The following ZNF202 variants were observed in gnomAD, a reference collection of about 807,000 sequenced individuals.
ZNF202 encodes the protein zinc finger protein with KRAB and SCAN domains 10.
A neutral mutation model predicts 54.5 loss-of-function variants in ZNF202; 22 were observed. The ratio of observed to expected loss-of-function variants is 0.40; its 90% CI spans 0.29 to 0.58. The LOEUF is 0.58. Ranked by LOEUF, ZNF202 falls within the 20% of genes least tolerant of loss-of-function variation. The pLI, the probability that ZNF202 is intolerant of heterozygous loss-of-function variation, is 0.39. For synonymous variants in ZNF202, 294 were observed against 301.4 expected (o/e 0.98, Z 0.26); for missense variants, 644 against 805.5 (o/e 0.80, Z 2.43).
Position 123,726,754 on chromosome 11 carries a change from T to C in ZNF202, c.1190A>G (p.His397Arg). The C allele has an allele frequency of 6.2e-7, 1 of 1,614,226 alleles. No homozygotes were observed. Residue 397 changes from histidine to arginine, a missense_variant, in exon 9 of 9, where the codon CAT becomes CGT. Physicochemically the swap from His to Arg is conservative, Grantham distance 29. This residue lies in a region of ZNF202 where 536 missense variants were observed against 635.3 expected (regional missense o/e 0.84). Transcript: ENST00000530393. The surrounding 1 kb of genome is among the most constrained non-coding windows in gnomAD (Gnocchi z 6.0). ...GCTCTTTCCACACACAGAACAGTCATGATGCCTCCCTAACAGGGGGTGGAC... is the reference window on the plus strand; with the variant it reads ...GCTCTTTCCACACACAGAACAGTCACGATGCCTCCCTAACAGGGGGTGGAC... ...TPVHPLLGRH[H>R]DCSVCGKSFT...
In ZNF202 at chr11:123,729,695, G is replaced by A; in HGVS notation, c.533C>T (p.Thr178Ile). The A allele has an allele frequency of 4.3e-6, 7 of 1,613,512 alleles. No homozygotes were observed. Among genetic ancestry groups the A allele is most frequent in the Non-Finnish European group, 5.9e-6 (7 of 1,179,804 alleles). The part of the protein sequence containing the change: ...SSTPEQSPEE[T>I]TQSPDLGAPA... ...TGCCCCCAGATCTGGGCTCTGTGTG[G>A]TTTCCTCAGGAGACTGCTCGGGGGT... Residue 178 changes from threonine to isoleucine, a missense_variant, in exon 5 of 9, where the codon ACC (threonine) becomes ATC (isoleucine). This residue lies in a region of ZNF202 where 536 missense variants were observed against 635.3 expected (regional missense o/e 0.84). Transcript: ENST00000530393.
At position 123,728,195 on chromosome 11, in the gene ZNF202, G is replaced by A. The variant is rs1861239665; in HGVS notation, c.770C>T (p.Thr257Ile). 1 of 1,613,228 alleles carries A rather than the reference G, an allele frequency of 6.2e-7. No individual in the cohort carries two copies. The highest frequency in any genetic ancestry group is 8.5e-7 in the Non-Finnish European group (1 of 1,179,464). The change falls in exon 7 of 9, where the codon ACA (threonine) becomes ATA (isoleucine). Residue 257 changes from threonine (T) to isoleucine (I), a missense_variant. Physicochemically the swap from Thr to Ile is moderately conservative, Grantham distance 89. Around this residue, in one of 3 missense-constraint regions of ZNF202, gnomAD observed 536 missense variants for 635.3 expected, o/e 0.84. Coordinates refer to ENST00000530393, the MANE Select transcript of ZNF202 (RefSeq NM_003455.4). Reference sequence around the variant, plus strand: ...ATATTCTCCATAGAACTCTTTCTGTGTTGGGTCCAGATCACTCCACTGGTC... The same window carrying A: ...ATATTCTCCATAGAACTCTTTCTGTATTGGGTCCAGATCACTCCACTGGTC... ...SQDQWSDLDP[T>I]QKEFYGEYVL... is the part of the protein sequence containing the mutation.
chr11:123,727,663 T>G, intron 7 of ZNF202, 68 bp from the exon 8 acceptor site: 1 of 1,594,756 alleles, frequency 6.3e-7, no homozygotes, highest in East Asian at 2.2e-5. Flanking sequence ...GAGCGGTCCT[T>G]TTCTATTTGG....
Position 123,730,922 on chromosome 11 carries a change from A to C in ZNF202, c.-34T>G, listed in dbSNP as rs1257344139. 2 of 1,585,828 alleles carry C rather than the reference A, an allele frequency of 1.3e-6. No individual in the cohort carries two copies. Among genetic ancestry groups the C allele is most frequent in the Non-Finnish European group, 1.7e-6 (2 of 1,164,806 alleles). ...TTTGGGGTGGTCTCACACCATCTAG[A>C]GCTCACACTGTCATTAGCCCCCCGC... On this transcript the variant is annotated 5_prime_UTR_variant, in exon 4 of 9. Coordinates refer to ENST00000530393, the MANE Select transcript of ZNF202 (RefSeq NM_003455.4). The surrounding 1 kb of genome is among the most constrained non-coding windows in gnomAD (Gnocchi z 6.0).
chr11:123,728,112 A>G (rs1565521625), intron 7 of ZNF202, 21 bp downstream of exon 7: 1 of 1,600,526 alleles, frequency 6.2e-7, no homozygotes. Context: ...AGAACACTCT[A>G]GAATACTTGA....
At position 123,726,818 on chromosome 11, in the gene ZNF202, G is replaced by C. The variant is rs779183512; in HGVS notation, c.1126C>G (p.Gln376Glu). Residue 376 changes from glutamine (Q) to glutamate (E), a missense_variant, in exon 9 of 9, where the codon CAA (glutamine) becomes GAA (glutamate). Physicochemically the swap from Gln to Glu is conservative, Grantham distance 29 (BLOSUM62 2). Around this residue, in one of 3 missense-constraint regions of ZNF202, gnomAD observed 536 missense variants for 635.3 expected, o/e 0.84. Transcript: ENST00000530393. This position sits in a 1 kb window ranked among gnomAD's most constrained non-coding sequence, Gnocchi z 6.0. Reference protein sequence around the residue: ...NERRFGTNISQVNSFVNLRET... With the variant: ...NERRFGTNISEVNSFVNLRET... Reference sequence around the variant, plus strand: ...CGAAGGTTCACAAAACTATTCACTTGAGAAATATTAGTACCAAATCTTCTT... The same window carrying C: ...CGAAGGTTCACAAAACTATTCACTTCAGAAATATTAGTACCAAATCTTCTT... 1 of 1,614,198 alleles carries C rather than the reference G, an allele frequency of 6.2e-7. No individual in the cohort carries two copies. Among genetic ancestry groups the C allele is most frequent in the Non-Finnish European group, 8.5e-7 (1 of 1,180,042 alleles).
rs186363550 is a variant in ZNF202 at position 123,738,655 on chromosome 11, C to T, written c.-98+1462G>A. On this transcript the variant is annotated intron_variant, in intron 3 of 8. Coordinates refer to ENST00000530393, the MANE Select transcript of ZNF202 (RefSeq NM_003455.4). ...GGAACCATCATTTAATGGGAAATAA[C>T]GCAATAACATATATAACAGAGCTGA... The T allele has an allele frequency of 7.0e-4, 106 of 152,292 alleles. 1 individual carries two copies. The highest frequency in any genetic ancestry group is 2.5e-3 in the African/African-American group (102 of 41,564). The allele number at this position is 152,292 out of a possible 1,614,324, so 9.4% of individuals were successfully genotyped here.
intron 3 of ZNF202, chr11:123,739,573 AAGAAC>A (rs1861774469): frequency 6.6e-6 from 1 of 152,180 alleles, no homozygotes; most frequent in Non-Finnish European, 1.5e-5. Context: ...AATCAAGGGG[AAGAAC>A]TTATCAATAT....
At position 123,729,685 on chromosome 11, in the gene ZNF202, G is replaced by A. The variant is rs368067784; in HGVS notation, c.543C>T (p.Ser181=). The A allele has an allele frequency of 1.1e-5, 18 of 1,612,992 alleles. No individual in the cohort carries two copies. The highest frequency in any genetic ancestry group is 5.3e-5 in the African/African-American group (4 of 74,886). The stretch of plus-strand genomic sequence containing the variant: ...GCTCTGCCGGTGCCCCCAGATCTGG[G>A]CTCTGTGTGGTTTCCTCAGGAGACT... The part of the protein sequence containing the change: ...PEQSPEETTQ[S]PDLGAPAEQR... The change falls in exon 5 of 9, where the codon AGC becomes AGT. Residue 181 remains serine (S), a synonymous_variant. Transcript: ENST00000530393.
At chr11:123,735,999 G>T (rs1225305592) in intron 3 of ZNF202, among the ~76,000 whole-genome samples, 1 of 152,180 alleles carries the variant, frequency 6.6e-6, no homozygotes, top group Non-Finnish European at 1.5e-5. Flanking sequence ...CTTGGTTCCA[G>T]AAGACACTAA....
At chr11:123,735,517 G>A (rs1861595619) in intron 3 of ZNF202, among the ~76,000 whole-genome samples, 1 of 151,944 alleles carries the variant, frequency 6.6e-6, no homozygotes, top group Admixed American at 6.6e-5. Flanking sequence ...AATGAAGGAA[G>A]GAGTCTTTGT....
chr11:123,727,464 G>C lies in ZNF202; in HGVS notation c.952+12C>G. 6.2e-7 allele frequency: 1 copy of C among 1,613,628 alleles called. No homozygotes were observed. On this transcript the variant is annotated intron_variant, in intron 8 of 8. Transcript: ENST00000530393. ...GCTCAGGGTGGGTAACACCGTTTTT[G>C]TCATTCCTCACCTGTGTAGGTAAAA...
intron 3 of ZNF202, among the ~76,000 whole-genome samples, chr11:123,731,206 C>G (rs1000702029): frequency 5.9e-5 from 9 of 152,300 alleles, no homozygotes; most frequent in Admixed American, 6.5e-5. Flanking sequence ...GGTTCATACT[C>G]TGCAAGAAAA....
intron 3 of ZNF202, chr11:123,738,947 T>G (rs1025749527): frequency 2.0e-5 from 3 of 152,226 alleles, no homozygotes; most frequent in African/African-American, 7.2e-5. Flanking sequence ...TCAGAAGTCA[T>G]TCTTGTCGTG....
At chr11:123,729,547 GTCCGAGAAATGT>G (rs915652185) in intron 5 of ZNF202, 56 bp downstream of exon 5, 1 of 302,092 alleles carries the variant, frequency 3.3e-6, no homozygotes, top group African/African-American at 1.2e-4. Flanking sequence ...TAGGAGAAAT[GTCCGAGAAATGT>G]CCCCCTCCTT....
intron 3 of ZNF202, chr11:123,739,399 G>A (rs1861766356): frequency 6.6e-6 from 1 of 152,122 alleles, no homozygotes; most frequent in South Asian, 2.1e-4. Flanking sequence ...TCAAGGTGCT[G>A]GGCAAAGAAA....
chr11:123,729,595 T>G lies in ZNF202; in HGVS notation c.613+20A>C. ...GCCTGCCTTCTGCCACAATCCCCCC[T>G]TTCTGCTGATGCTTCCCACCGCTCT... On this transcript the variant is annotated intron_variant, in intron 5 of 8. Coordinates refer to ENST00000530393, the MANE Select transcript of ZNF202 (RefSeq NM_003455.4). 2 of 1,526,886 alleles carry G rather than the reference T, an allele frequency of 1.3e-6. No homozygotes were observed. The highest frequency in any genetic ancestry group is 1.8e-6 in the Non-Finnish European group (2 of 1,139,210). 94.6% of individuals were successfully genotyped at this position (1,526,886 alleles called of 1,614,324 possible).
Position 123,727,492 on chromosome 11 carries a change from C to T in ZNF202, c.936G>A (p.Leu312=). 6.2e-7 allele frequency: 1 copy of T among 1,614,084 alleles called. No individual in the cohort carries two copies. The highest frequency in any genetic ancestry group is 8.5e-7 in the Non-Finnish European group (1 of 1,180,004). Residue 312 remains leucine, a synonymous_variant, in exon 8 of 9, where the codon CTG becomes CTA. Coordinates refer to ENST00000530393, the MANE Select transcript of ZNF202 (RefSeq NM_003455.4). ...ATTCCTCACCTGTGTAGGTAAAACTCAGGATTTCTGGCTCTTGAGTCTCCT... is the reference window on the plus strand; with the variant it reads ...ATTCCTCACCTGTGTAGGTAAAACTTAGGATTTCTGGCTCTTGAGTCTCCT... ...EPQETQEPEI[L]SFTYTGDRSK...
chr11:123,730,773 T>C lies in ZNF202; in HGVS notation c.116A>G (p.Asp39Gly). The change falls in exon 4 of 9, where the codon GAC (aspartate) becomes GGC (glycine). Residue 39 changes from aspartate (D) to glycine (G), a missense_variant. Asp to Gly is a moderately conservative substitution (Grantham distance 94). Coordinates refer to ENST00000530393, the MANE Select transcript of ZNF202 (RefSeq NM_003455.4). This position sits in a 1 kb window ranked among gnomAD's most constrained non-coding sequence, Gnocchi z 6.0. ...CTGGTGGGAGGTTTCCAGCACCGGG[T>C]CATCCCTCTGTAAGACAGACTCTGG... ...CRPESVLQRD[D>G]PVLETSHQNF... 6.2e-7 allele frequency: 1 copy of C among 1,614,194 alleles called. No homozygotes were observed. The highest frequency in any genetic ancestry group is 8.5e-7 in the Non-Finnish European group (1 of 1,180,028).
Sources: gnomAD v4.1 joint callset for allele counts (sites outside exome capture counted in the v4.1 genomes callset) on GRCh38, gnomAD v4.1.1 for gene constraint, gnomAD v4.1.1 regional missense constraint, Gnocchi (gnomAD v3.1) non-coding constraint, MANE v1.5 for transcripts, NCBI Gene and HGNC (gene_info 2026-07-23, HGNC 2026-07-21) for gene names.